The following GALNT11 variants were observed in gnomAD, a reference collection of about 807,000 sequenced individuals.
GALNT11 encodes the protein polypeptide N-acetylgalactosaminyltransferase 11, also known as UDP-GalNAc:polypeptide N-acetylgalactosaminyltransferase 11.
In GALNT11, 47 loss-of-function variants were observed where a neutral mutation model predicts 72.7. The observed-to-expected ratio is 0.65, with a 90% CI of 0.51 to 0.82. The LOEUF is 0.82. GALNT11 is among the 40% of genes least tolerant of loss of function. The probability of loss-of-function intolerance (pLI) is 0.00; values close to 1 mark genes in which losing one functional copy is unlikely to be tolerated. For missense variants in GALNT11, 677 were observed against 778.4 expected (o/e 0.87, Z 1.55); for synonymous variants, 270 against 286.6 (o/e 0.94, Z 0.58).
intron 2 of GALNT11, among the ~76,000 whole-genome samples, chr7:152,099,530 G>GA (rs2086642527): frequency 1.7e-5 from 1 of 57,790 alleles, no homozygotes; most frequent in Admixed American, 2.1e-4. Flanking sequence ...CTCCCGCCTA[G>GA]TTTTTTTTTT....
chr7:152,106,257 C>T (rs2129054609), intron 5 of GALNT11, among the ~76,000 whole-genome samples: 1 of 152,344 alleles, frequency 6.6e-6, no homozygotes, highest in Middle Eastern at 3.4e-3. Flanking sequence ...GCAGTGACAG[C>T]ATCTACTGCA....
At chr7:152,116,568 G>A (rs1158593948) in intron 8 of GALNT11, among the ~76,000 whole-genome samples, 2 of 152,176 alleles carry the variant, frequency 1.3e-5, no homozygotes, top group East Asian at 3.8e-4. Context: ...ATGCAACAGT[G>A]TAAAAATCTT....
intron 1 of GALNT11, among the ~76,000 whole-genome samples, chr7:152,036,452 A>G (rs970343406): frequency 6.6e-6 from 1 of 152,094 alleles, no homozygotes; most frequent in Non-Finnish European, 1.5e-5. Flanking sequence ...ATAGTACTCC[A>G]TTGTGTATAT....
At chr7:152,053,007 G>A (rs528078701) in intron 1 of GALNT11, among the ~76,000 whole-genome samples, 56 of 152,176 alleles carry the variant, frequency 3.7e-4, no homozygotes, top group African/African-American at 1.3e-3. Flanking sequence ...TGACGAGTGC[G>A]GGCAGTTCTC....
At chr7:152,089,500 T>C (rs1479934871) in intron 1 of GALNT11, among the ~76,000 whole-genome samples, 1 of 152,226 alleles carries the variant, frequency 6.6e-6, no homozygotes, top group South Asian at 2.1e-4. Flanking sequence ...CTGTGTCCTG[T>C]CTCCATTGGC....
At chr7:152,088,626 A>G (rs2085807179) in intron 1 of GALNT11, among the ~76,000 whole-genome samples, 1 of 152,026 alleles carries the variant, frequency 6.6e-6, no homozygotes, top group Admixed American at 6.6e-5. Flanking sequence ...AGAAAGGGAC[A>G]TGGAGAATCT....
chr7:152,030,194 G>A (rs1232226515), intron 1 of GALNT11, among the ~76,000 whole-genome samples: 1 of 152,180 alleles, frequency 6.6e-6, no homozygotes, highest in Non-Finnish European at 1.5e-5. Flanking sequence ...GGGAAAGGGA[G>A]ACTCCCTTTC....
At chr7:152,039,496 C>T (rs565633732) in intron 1 of GALNT11, among the ~76,000 whole-genome samples, 1 of 152,270 alleles carries the variant, frequency 6.6e-6, no homozygotes, top group Admixed American at 6.5e-5. Flanking sequence ...TCACCGCTAT[C>T]ATTAAATTAT....
At chr7:152,071,431 C>T (rs1043556019) in intron 1 of GALNT11, among the ~76,000 whole-genome samples, 5 of 152,188 alleles carry the variant, frequency 3.3e-5, no homozygotes, top group Admixed American at 6.5e-5. Context: ...GGCTCACCGG[C>T]GGTCAGAGTT....
intron 10 of GALNT11, 62 bp from the exon 11 acceptor site, chr7:152,120,769 T>G: frequency 7.3e-7 from 1 of 1,368,658 alleles, no homozygotes; most frequent in Non-Finnish European, 1.0e-6. Flanking sequence ...TGGAAGAATA[T>G]GCAAAGTGTT....
At chr7:152,039,462 A>G (rs764707185) in intron 1 of GALNT11, among the ~76,000 whole-genome samples, 8 of 152,204 alleles carry the variant, frequency 5.3e-5, no homozygotes, top group Non-Finnish European at 1.5e-5. Flanking sequence ...TCTCTGTGTC[A>G]GCCCTTGTTG....
intron 2 of GALNT11, among the ~76,000 whole-genome samples, chr7:152,099,530 GTTTTTT>G (rs1009548038): frequency 2.5e-3 from 146 of 57,762 alleles, no homozygotes; most frequent in African/African-American, 5.8e-3. Flanking sequence ...CTCCCGCCTA[GTTTTTT>G]TTTTTTTTTT....
intron 1 of GALNT11, among the ~76,000 whole-genome samples, chr7:152,077,801 C>A (rs541978013): frequency 1.3e-5 from 2 of 152,046 alleles, no homozygotes; most frequent in South Asian, 4.2e-4. Context: ...AACAAGAACC[C>A]GCACAGATAA....
intron 1 of GALNT11, among the ~76,000 whole-genome samples, chr7:152,032,800 T>TC (rs1255133630): frequency 6.6e-6 from 1 of 152,108 alleles, no homozygotes; most frequent in Non-Finnish European, 1.5e-5. Flanking sequence ...AGATAATAGC[T>TC]CCAGCTTTGG....
intron 2 of GALNT11, among the ~76,000 whole-genome samples, chr7:152,097,716 G>T (rs1267661441): frequency 6.6e-6 from 1 of 152,196 alleles, no homozygotes; most frequent in African/African-American, 2.4e-5. Flanking sequence ...GATGAACCTT[G>T]AAAACATTAT....
chr7:152,041,115 C>A (rs2082839379), intron 1 of GALNT11, among the ~76,000 whole-genome samples: 1 of 152,226 alleles, frequency 6.6e-6, no homozygotes, highest in Non-Finnish European at 1.5e-5. Flanking sequence ...GAATCTCTTC[C>A]TTGGCATCTG....
At chr7:152,091,448 G>A (rs1424779387) in intron 1 of GALNT11, among the ~76,000 whole-genome samples, 1 of 151,930 alleles carries the variant, frequency 6.6e-6, no homozygotes, top group South Asian at 2.1e-4. Context: ...CACCATGTTG[G>A]CCGGGCTGGT....
At chr7:152,045,074 G>A (rs1316435539) in intron 1 of GALNT11, among the ~76,000 whole-genome samples, 1 of 152,014 alleles carries the variant, frequency 6.6e-6, no homozygotes, top group East Asian at 1.9e-4. Context: ...CTGTTGATTT[G>A]ATGTATCATA....
intron 1 of GALNT11, chr7:152,074,845 T>C (rs2084857499): frequency 6.6e-6 from 1 of 152,360 alleles, no homozygotes; most frequent in Non-Finnish European, 1.5e-5. Context: ...CGGATTTTTT[T>C]GCCCTGTAGG....
Sources: gnomAD v4.1 joint callset for allele counts (sites outside exome capture counted in the v4.1 genomes callset) on GRCh38, gnomAD v4.1.1 for gene constraint, MANE v1.5 for transcripts, NCBI Gene and HGNC (gene_info 2026-07-23, HGNC 2026-07-21) for gene names.